The following ARHGAP10 variants were observed in gnomAD, a reference collection of about 807,000 sequenced individuals.
The protein encoded by ARHGAP10 is rho GTPase-activating protein 10.
ARHGAP10 carries 87 observed loss-of-function variants against 108.6 expected under a neutral mutation model. That is an observed-to-expected ratio of 0.80 (90% CI 0.67 to 0.96). The LOEUF (loss-of-function observed/expected upper bound fraction) is 0.96. ARHGAP10 is among the 40% of genes least tolerant of loss of function. ARHGAP10 has a pLI of 0.00. For missense variants in ARHGAP10, 939 were observed against 954.5 expected (o/e 0.98, Z 0.21); for synonymous variants, 347 against 341.1 (o/e 1.02, Z -0.19).
rs773641588 is a variant in ARHGAP10 at position 148,071,993 on chromosome 4, T to C, written c.2273T>C (p.Val758Ala). 6.2e-7 allele frequency: 1 copy of C among 1,612,928 alleles called. No individual in the cohort carries two copies. The highest frequency in any genetic ancestry group is 1.1e-5 in the South Asian group (1 of 90,928). ...AAGTGATTTTTCTCTTCCTTTTCAG[T>C]ACAAACCTCCAGGGAACCTGGCTGG... Reference protein sequence around the residue: ...SFEIGAIFEDVQTSREPGWLE... With the variant: ...SFEIGAIFEDAQTSREPGWLE... Residue 758 changes from valine (V) to alanine (A), a missense_variant and splice_region_variant, in exon 23 of 23, where the codon GTA becomes GCA. Transcript: ENST00000336498.
chr4:148,017,652 C>CTATATATATATATATATA lies in ARHGAP10; in HGVS notation c.1717-5597_1717-5580dup, dbSNP rs35472561. On this transcript the variant is annotated intron_variant, in intron 18 of 22. Transcript: ENST00000336498. ...AGCTGTGACAGTTATGAGCCAGTAA[C>CTATATATATATATATATA]TATATATATATATATATATATATAT... Among the ~76,000 whole-genome samples the CTATATATATATATATATA allele has an allele frequency of 5.9e-4, 62 of 105,286 alleles. 1 individual carries two copies. The highest frequency in any genetic ancestry group is 2.2e-3 in the African/African-American group (53 of 23,604). 69.1% of individuals were successfully genotyped at this position (105,286 alleles called of 152,430 possible). A position where few individuals can be genotyped will look rare whatever the true frequency, so the allele number is the denominator to read the frequency against.
intron 1 of ARHGAP10, among the ~76,000 whole-genome samples, chr4:147,756,783 G>C (rs1729391354): frequency 6.6e-6 from 1 of 152,064 alleles, no homozygotes; most frequent in Non-Finnish European, 1.5e-5. Context: ...ATTGTTATTG[G>C]TCTTAGGGAG....
intron 18 of ARHGAP10, among the ~76,000 whole-genome samples, chr4:148,007,927 T>A (rs763993479): frequency 6.6e-6 from 1 of 152,196 alleles, no homozygotes. Context: ...TCTCAGTAAT[T>A]CTCTTACTGC....
At position 147,875,087 on chromosome 4, in the gene ARHGAP10, C is replaced by A. The variant is rs142531496; in HGVS notation, c.769C>A (p.Pro257Thr). The change falls in exon 8 of 23, where the codon CCC becomes ACC. Residue 257 changes from proline to threonine, a missense_variant. Physicochemically the swap from Pro to Thr is conservative, Grantham distance 38. Transcript: ENST00000336498. ...GCTCATGAACAAAATCAGACAGAAT[C>A]CCAAGGACCACAAACGAGCAAGTCA... ...EELMNKIRQN[P>T]KDHKRASQFT... is the part of the protein sequence containing the mutation. The A allele has an allele frequency of 2.5e-6, 4 of 1,609,044 alleles. No homozygotes were observed. The highest frequency in any genetic ancestry group is 3.4e-6 in the Non-Finnish European group (4 of 1,178,764).
chr4:147,955,384 A>G lies in ARHGAP10; in HGVS notation c.1450+10A>G. On this transcript the variant is annotated intron_variant, in intron 16 of 22. Coordinates refer to ENST00000336498, the MANE Select transcript of ARHGAP10 (RefSeq NM_024605.4). ...TTCATTGTTCCAGCCAGTAAGTATT[A>G]TGTAAAGGTATATAGGAACAGTTTT... 6.2e-7 allele frequency: 1 copy of G among 1,606,888 alleles called. No individual in the cohort carries two copies. Among genetic ancestry groups the G allele is most frequent in the Non-Finnish European group, 8.5e-7 (1 of 1,174,454 alleles).
intron 18 of ARHGAP10, among the ~76,000 whole-genome samples, chr4:148,009,090 A>C (rs1019869955): frequency 6.6e-6 from 1 of 152,018 alleles, no homozygotes; most frequent in Admixed American, 6.6e-5. Context: ...CTTTGGGGGA[A>C]AAAAACAAAA....
At chr4:147,982,079 C>T (rs982354786) in intron 18 of ARHGAP10, among the ~76,000 whole-genome samples, 7 of 152,140 alleles carry the variant, frequency 4.6e-5, no homozygotes, top group South Asian at 4.1e-4. Context: ...CTCCATCACC[C>T]GTGCTGGAAG....
intron 16 of ARHGAP10, among the ~76,000 whole-genome samples, chr4:147,957,023 A>G (rs1171663509): frequency 2.0e-5 from 3 of 152,168 alleles, no homozygotes; most frequent in Admixed American, 2.0e-4. Context: ...CAGAGTGGTG[A>G]AAACGATTGC....
chr4:148,059,430 A>G (rs1729503105), intron 20 of ARHGAP10, among the ~76,000 whole-genome samples: 1 of 152,164 alleles, frequency 6.6e-6, no homozygotes, highest in African/African-American at 2.4e-5. Flanking sequence ...CTAATCAAAA[A>G]TCCGTAGTTA....
chr4:147,813,487 A>C (rs1250130793), intron 1 of ARHGAP10, among the ~76,000 whole-genome samples: 1 of 152,230 alleles, frequency 6.6e-6, no homozygotes, highest in African/African-American at 2.4e-5. Flanking sequence ...GGAAATCAGA[A>C]GGAAAAAGCC....
intron 19 of ARHGAP10, among the ~76,000 whole-genome samples, chr4:148,046,189 G>C (rs1728874184): frequency 6.6e-6 from 1 of 152,092 alleles, no homozygotes; most frequent in Non-Finnish European, 1.5e-5. Context: ...TTCTACCCAA[G>C]CCCACAATGT....
At chr4:147,754,701 T>C (rs1243948018) in intron 1 of ARHGAP10, among the ~76,000 whole-genome samples, 1 of 152,228 alleles carries the variant, frequency 6.6e-6, no homozygotes, top group East Asian at 1.9e-4. Flanking sequence ...TGAATTTGTT[T>C]AACATAAAGC....
chr4:147,984,890 A>T (rs1266085722), intron 18 of ARHGAP10, among the ~76,000 whole-genome samples: 1 of 152,118 alleles, frequency 6.6e-6, no homozygotes, highest in Non-Finnish European at 1.5e-5. Flanking sequence ...AACCTGGAGG[A>T]GGGCTTCAAG....
intron 1 of ARHGAP10, among the ~76,000 whole-genome samples, chr4:147,806,330 G>C (rs1731782625): frequency 1.3e-5 from 2 of 151,868 alleles, no homozygotes; most frequent in Admixed American, 1.3e-4. Flanking sequence ...GTGTTAGTTT[G>C]TCCAAAAGTG....
chr4:147,790,265 A>G (rs142404080), intron 1 of ARHGAP10, among the ~76,000 whole-genome samples: 2 of 152,166 alleles, frequency 1.3e-5, no homozygotes, highest in Non-Finnish European at 2.9e-5. Context: ...CAATAATTCC[A>G]TAAGGTGGGC....
chr4:147,753,628 A>G (rs1729255355), intron 1 of ARHGAP10, among the ~76,000 whole-genome samples: 1 of 151,840 alleles, frequency 6.6e-6, no homozygotes, highest in African/African-American at 2.4e-5. Context: ...TGCTGGGATT[A>G]CAGGCGTGAG....
intron 1 of ARHGAP10, among the ~76,000 whole-genome samples, chr4:147,744,125 C>T (rs1340202614): frequency 1.3e-5 from 2 of 152,152 alleles, no homozygotes; most frequent in African/African-American, 2.4e-5. Context: ...ATTGTTGAAT[C>T]AGTATGGGAT....
intron 22 of ARHGAP10, among the ~76,000 whole-genome samples, chr4:148,070,117 G>A (rs185434730): frequency 1.3e-5 from 2 of 152,310 alleles, no homozygotes; most frequent in South Asian, 2.1e-4. Context: ...TGTGTTACAT[G>A]CTCTCATAGT....
chr4:147,985,239 G>T (rs936117304), intron 18 of ARHGAP10, among the ~76,000 whole-genome samples: 5 of 152,150 alleles, frequency 3.3e-5, no homozygotes, highest in African/African-American at 9.7e-5. Flanking sequence ...ACTCCTGGGT[G>T]TGGGGAAGAG....
Sources: gnomAD v4.1 joint callset for allele counts (sites outside exome capture counted in the v4.1 genomes callset) on GRCh38, gnomAD v4.1.1 for gene constraint, MANE v1.5 for transcripts, NCBI Gene and HGNC (gene_info 2026-07-23, HGNC 2026-07-21) for gene names.